Variants in TNFRSF11A observed in about 807,000 individuals in gnomAD.
TNFRSF11A encodes TNF receptor superfamily member 11a, also known as tumor necrosis factor receptor superfamily member 11A.
TNFRSF11A carries 32 observed loss-of-function variants against 55.7 expected under a neutral mutation model. The ratio of observed to expected loss-of-function variants is 0.57; its 90% CI spans 0.43 to 0.77. The LOEUF is 0.77. Among genes scored for constraint, TNFRSF11A ranks in the 30% least tolerant of loss-of-function variants. The pLI is 0.00. For synonymous variants in TNFRSF11A, 311 were observed against 331.0 expected, an observed-to-expected ratio of 0.94 and a Z score of 0.65; for missense variants, 753 against 809.8, an observed-to-expected ratio of 0.93 and a Z score of 0.85.
chr18:62,381,926 T>TACGGTAGAA (rs1911315303), intron 9 of TNFRSF11A, among the ~76,000 whole-genome samples: 5 of 152,196 alleles, frequency 3.3e-5, no homozygotes, highest in African/African-American at 1.2e-4. Context: ...CTTCTGTTGC[T>TACGGTAGAA]GCTACGGTAG....
At chr18:62,375,782 C>A (rs1019051663) in intron 9 of TNFRSF11A, among the ~76,000 whole-genome samples, 9 of 152,092 alleles carry the variant, frequency 5.9e-5, no homozygotes, top group Admixed American at 4.6e-4. Context: ...GGGAGGATCT[C>A]TTGAACCCAG....
intron 1 of TNFRSF11A, among the ~76,000 whole-genome samples, chr18:62,342,149 C>T (rs1462342808): frequency 6.6e-6 from 1 of 151,672 alleles, no homozygotes; most frequent in Non-Finnish European, 1.5e-5. Flanking sequence ...GCCTGTAATC[C>T]CAGCACTTTG....
At chr18:62,333,283 C>T (rs1451446173) in intron 1 of TNFRSF11A, among the ~76,000 whole-genome samples, 2 of 152,124 alleles carry the variant, frequency 1.3e-5, no homozygotes, top group African/African-American at 2.4e-5. Context: ...CCCGGGAACT[C>T]GTTAGAAATG....
chr18:62,371,203 G>A lies in TNFRSF11A; in HGVS notation c.1567+1719G>A, dbSNP rs151042919. ...GACAGACAGGACCCTGGGCTGTGGGGAGCGAGAAAGCTGACGTTCTGTCTC... is the reference window on the plus strand; with the variant it reads ...GACAGACAGGACCCTGGGCTGTGGGAAGCGAGAAAGCTGACGTTCTGTCTC... On this transcript the variant is annotated intron_variant, in intron 9 of 9. Transcript: ENST00000586569. Among the ~76,000 whole-genome samples, 12 of 152,288 alleles carry A rather than the reference G, an allele frequency of 7.9e-5. No homozygotes were observed. The East Asian group carries it at 2.3e-3, about 29-fold the overall frequency.
Position 62,366,689 on chromosome 18 carries a change from C to T in TNFRSF11A, c.731-19C>T. On this transcript the variant is annotated intron_variant, in intron 7 of 9. Coordinates refer to ENST00000586569, the MANE Select transcript of TNFRSF11A (RefSeq NM_003839.4). ...GAAATAATAACTTGAAGTCCTTATC[C>T]TTGCTTTGTGTTTTCTAGCTAATTT... 2 of 1,613,790 alleles carry T rather than the reference C, an allele frequency of 1.2e-6. No individual in the cohort carries two copies. Among genetic ancestry groups the T allele is most frequent in the Non-Finnish European group, 1.7e-6 (2 of 1,179,792 alleles).
Position 62,325,504 on chromosome 18 carries a change from G to A in TNFRSF11A, c.75+77G>A, listed in dbSNP as rs34005112. 0.011 allele frequency: 10,897 copies of A among 1,005,236 alleles called. 337 individuals carry two copies. In the East Asian group the frequency reaches 0.13, roughly 12 times the overall value. 62.3% of individuals were successfully genotyped at this position (1,005,236 alleles called of 1,614,324 possible). A position where few individuals can be genotyped will look rare whatever the true frequency, so the allele number is the denominator to read the frequency against. ...GCCCCGGGAAGGGCCGGGGCCGGCG[G>A]CATCCTGGCTCCTCCGCCTTCCGAG... On this transcript the variant is annotated intron_variant, in intron 1 of 9. Transcript: ENST00000586569. The surrounding 1 kb of genome is among the most constrained non-coding windows in gnomAD (Gnocchi z 4.7).
intron 4 of TNFRSF11A, among the ~76,000 whole-genome samples, chr18:62,357,453 C>G (rs1909342170): frequency 6.6e-6 from 1 of 152,178 alleles, no homozygotes; most frequent in Non-Finnish European, 1.5e-5. Flanking sequence ...TCAACACTGT[C>G]CATTAAGGAA....
At position 62,385,906 on chromosome 18, in the gene TNFRSF11A, C is replaced by T. The variant is rs1249282931; in HGVS notation, c.*872C>T. 1 of 152,170 alleles carries T rather than the reference C, an allele frequency of 6.6e-6. No homozygotes were observed. The highest frequency in any genetic ancestry group is 2.4e-5 in the African/African-American group (1 of 41,434). 9.4% of individuals were successfully genotyped at this position (152,170 alleles called of 1,614,324 possible). ...AACATGTGAGGCCTGGAGATAGTTGCTAAGTTGCTAGGAACATGTGGTGGG... is the reference window on the plus strand; with the variant it reads ...AACATGTGAGGCCTGGAGATAGTTGTTAAGTTGCTAGGAACATGTGGTGGG... On this transcript the variant is annotated 3_prime_UTR_variant, in exon 10 of 10. Coordinates refer to ENST00000586569, the MANE Select transcript of TNFRSF11A (RefSeq NM_003839.4).
chr18:62,341,835 G>GTTTTTTTTTTTTTTTTT (rs1568475429), intron 1 of TNFRSF11A, among the ~76,000 whole-genome samples: 2 of 68,852 alleles, frequency 2.9e-5, no homozygotes. Flanking sequence ...GCTGAGAATG[G>GTTTTTTTTTTTTTTTTT]CTTTTTTTTT....
At chr18:62,339,993 A>T (rs2046288670) in intron 1 of TNFRSF11A, among the ~76,000 whole-genome samples, 1 of 152,060 alleles carries the variant, frequency 6.6e-6, no homozygotes, top group Non-Finnish European at 1.5e-5. Context: ...ATAGACATTC[A>T]TAGAATGCAT....
chr18:62,326,160 T>C (rs143231181), intron 1 of TNFRSF11A, among the ~76,000 whole-genome samples: 2 of 152,244 alleles, frequency 1.3e-5, no homozygotes, highest in Non-Finnish European at 2.9e-5. Context: ...TTAAAAATCG[T>C]TGATACGAAC....
Position 62,368,916 on chromosome 18 carries a change from C to A in TNFRSF11A, c.999C>A (p.Thr333=). ...GGATGCTCTCATTGGTCAGCAAGACCGAGATAGAGGAAGACAGCTTCAGAC... is the reference window on the plus strand; with the variant it reads ...GGATGCTCTCATTGGTCAGCAAGACAGAGATAGAGGAAGACAGCTTCAGAC... The part of the protein sequence containing the change: ...DARMLSLVSK[T]EIEEDSFRQM... The change falls in exon 9 of 10, where the codon ACC becomes ACA. Residue 333 remains threonine, a synonymous_variant. Transcript: ENST00000586569. The A allele has an allele frequency of 6.2e-7, 1 of 1,614,208 alleles. No individual in the cohort carries two copies. The highest frequency in any genetic ancestry group is 1.1e-5 in the South Asian group (1 of 91,086).
At chr18:62,349,029 G>A (rs1426069582) in intron 2 of TNFRSF11A, among the ~76,000 whole-genome samples, 4 of 152,176 alleles carry the variant, frequency 2.6e-5, no homozygotes, top group South Asian at 4.1e-4. Context: ...TTAACAAGAA[G>A]TTGCCTATCC....
At chr18:62,370,732 A>C (rs1910487007) in intron 9 of TNFRSF11A, among the ~76,000 whole-genome samples, 1 of 152,236 alleles carries the variant, frequency 6.6e-6, no homozygotes, top group Non-Finnish European at 1.5e-5. Context: ...TCTTCTCAGA[A>C]GATCTCAGAA....
intron 6 of TNFRSF11A, among the ~76,000 whole-genome samples, chr18:62,360,858 T>C (rs1909634262): frequency 6.6e-6 from 1 of 152,090 alleles, no homozygotes; most frequent in South Asian, 2.1e-4. Flanking sequence ...TCGGAAGAGA[T>C]TGCTTCAGTG....
rs757644802 is a variant in TNFRSF11A, at chr18:62,354,375, C to T, written c.284-16C>T. ...TGCCCCTCCCTGGCCACTGACCTGT[C>T]TCTTGTCTCCCGCAGGCAAGGCCCT... On this transcript the variant is annotated splice_polypyrimidine_tract_variant and intron_variant, in intron 3 of 9. Coordinates refer to ENST00000586569, the MANE Select transcript of TNFRSF11A (RefSeq NM_003839.4). 6.4e-7 allele frequency: 1 copy of T among 1,562,394 alleles called. No homozygotes were observed. The highest frequency in any genetic ancestry group is 2.3e-5 in the East Asian group (1 of 43,524).
intron 1 of TNFRSF11A, among the ~76,000 whole-genome samples, chr18:62,328,327 G>A (rs1388877865): frequency 6.6e-6 from 1 of 152,072 alleles, no homozygotes; most frequent in Non-Finnish European, 1.5e-5. Context: ...CCAGAGGTCA[G>A]GGAAGAAATG....
chr18:62,379,556 G>A (rs1025480991), intron 9 of TNFRSF11A, among the ~76,000 whole-genome samples: 1 of 152,186 alleles, frequency 6.6e-6, no homozygotes. Context: ...TTTTGGTATT[G>A]AAGTTGAGGT....
At chr18:62,380,595 C>T (rs2145391276) in intron 9 of TNFRSF11A, among the ~76,000 whole-genome samples, 2 of 151,848 alleles carry the variant, frequency 1.3e-5, no homozygotes, top group South Asian at 4.2e-4. Context: ...TGCCACCACA[C>T]CCAGCTAATT....
Sources: gnomAD v4.1 joint callset for allele counts (sites outside exome capture counted in the v4.1 genomes callset) on GRCh38, gnomAD v4.1.1 for gene constraint, Gnocchi (gnomAD v3.1) non-coding constraint, MANE v1.5 for transcripts, NCBI Gene and HGNC (gene_info 2026-07-23, HGNC 2026-07-21) for gene names.